The following SLFN11 variants were observed in gnomAD, a reference collection of about 807,000 sequenced individuals.
SLFN11 encodes schlafen family member 11.
A neutral mutation model predicts 53.4 loss-of-function variants in SLFN11; 43 were observed. That is an observed-to-expected ratio of 0.80 (90% CI 0.63 to 1.04). The LOEUF (loss-of-function observed/expected upper bound fraction) is 1.04, where lower values mean the gene tolerates loss of function less well. SLFN11 is among the 50% of genes least tolerant of loss of function. SLFN11 has a pLI of 0.00. For missense variants in SLFN11, 990 were observed against 1,079.1 expected (o/e 0.92, Z 1.16); for synonymous variants, 389 against 394.7 (o/e 0.99, Z 0.17).
intron 4 of SLFN11, among the ~76,000 whole-genome samples, chr17:35,361,757 T>G (rs55930786): frequency 0.012 from 1,871 of 152,102 alleles, 20 homozygotes; most frequent in South Asian, 0.021. Context: ...AAGGGCTTTT[T>G]TTTTTGAGAC....
In SLFN11 at chr17:35,362,819, T is replaced by C. The variant is rs1908402115; in HGVS notation, c.989A>G (p.Asn330Ser). The C allele has an allele frequency of 6.2e-7, 1 of 1,613,058 alleles. No individual in the cohort carries two copies. The highest frequency in any genetic ancestry group is 1.7e-4 in the Middle Eastern group (1 of 6,048). The change falls in exon 4 of 7, where the codon AAT becomes AGT. Residue 330 changes from asparagine (N) to serine (S), a missense_variant. This residue lies in a region of SLFN11 where 521 missense variants were observed against 516.2 expected (regional missense o/e 1.01). Coordinates refer to ENST00000685675, the MANE Select transcript of SLFN11 (RefSeq NM_001376007.1). ...FCCAVFSEAP[N>S]SWIVEDKYVC... The stretch of plus-strand genomic sequence containing the variant: ...GTACTTGTCCTCCACTATCCATGAA[T>C]TGGGAGCTTCTGAGAACACTGCACA...
chr17:35,357,205 C>T (rs1031608512), intron 5 of SLFN11, among the ~76,000 whole-genome samples: 1 of 150,114 alleles, frequency 6.7e-6, no homozygotes, highest in East Asian at 2.0e-4. Context: ...TCTGGAAGCT[C>T]TTTATATATT....
chr17:35,372,902 T>C (rs1282667650), intron 1 of SLFN11, among the ~76,000 whole-genome samples: 2 of 152,102 alleles, frequency 1.3e-5, no homozygotes, highest in East Asian at 3.8e-4. Context: ...ATTCTACAGA[T>C]CTTGTCCAGA....
At chr17:35,365,395 C>T (rs529673507) in intron 3 of SLFN11, among the ~76,000 whole-genome samples, 14 of 152,198 alleles carry the variant, frequency 9.2e-5, no homozygotes, top group African/African-American at 3.4e-4. Context: ...GTGATCCTCC[C>T]ACCTCAGCCT....
chr17:35,361,488 G>A (rs1281484067), intron 4 of SLFN11, among the ~76,000 whole-genome samples: 1 of 151,942 alleles, frequency 6.6e-6, no homozygotes, highest in African/African-American at 2.4e-5. Flanking sequence ...TTTTGAGACA[G>A]GGTCTCACTC....
Position 35,353,731 on chromosome 17 carries a change from A to G in SLFN11, c.1527T>C (p.Cys509=). The G allele has an allele frequency of 6.8e-7, 1 of 1,480,604 alleles. No homozygotes were observed. Among genetic ancestry groups the G allele is most frequent in the Non-Finnish European group, 9.1e-7 (1 of 1,102,808 alleles). The allele number at this position is 1,480,604 out of a possible 1,614,324, so 91.7% of individuals were successfully genotyped here. A position where few individuals can be genotyped will look rare whatever the true frequency, so the allele number is the denominator to read the frequency against. Residue 509 remains cysteine, a synonymous_variant, in exon 6 of 7, where the codon TGT becomes TGC. Coordinates refer to ENST00000685675, the MANE Select transcript of SLFN11 (RefSeq NM_001376007.1). ...TCAGGCAGAGGACCTTGGCCCTGAC[A>G]CACACCTTCCCGGTGTAGCCCCCCA... The part of the protein sequence containing the change: ...VNMGGYTGKV[C]VRAKVLCLSP...
chr17:35,355,196 G>T (rs909793057), intron 5 of SLFN11, among the ~76,000 whole-genome samples: 8 of 152,074 alleles, frequency 5.3e-5, no homozygotes, highest in African/African-American at 1.9e-4. Flanking sequence ...TTCCAAGGAT[G>T]ACATATTTAT....
At chr17:35,371,081 T>C (rs182357347) in intron 1 of SLFN11, among the ~76,000 whole-genome samples, 23 of 152,168 alleles carry the variant, frequency 1.5e-4, no homozygotes, top group African/African-American at 5.3e-4. Context: ...ACTACAGAGC[T>C]ACAGGAACCA....
At chr17:35,370,322 A>G (rs1909489313) in intron 1 of SLFN11, among the ~76,000 whole-genome samples, 1 of 152,150 alleles carries the variant, frequency 6.6e-6, no homozygotes, top group South Asian at 2.1e-4. Context: ...GTATAGAAGG[A>G]ACATACCACA....
chr17:35,351,655 G>A lies in SLFN11; in HGVS notation c.*701C>T, dbSNP rs1439305928. 2 of 152,144 alleles carry A rather than the reference G, an allele frequency of 1.3e-5. No individual in the cohort carries two copies. The highest frequency in any genetic ancestry group is 2.9e-5 in the Non-Finnish European group (2 of 68,038). 9.4% of individuals were successfully genotyped at this position (152,144 alleles called of 1,614,324 possible). Reference sequence around the variant, plus strand: ...TGAAAGCCAGGGCAAACAGGTTTATGTTCATTTCATCTTGGCCTATAATTT... The same window carrying A: ...TGAAAGCCAGGGCAAACAGGTTTATATTCATTTCATCTTGGCCTATAATTT... On this transcript the variant is annotated 3_prime_UTR_variant, in exon 7 of 7. Coordinates refer to ENST00000685675, the MANE Select transcript of SLFN11 (RefSeq NM_001376007.1).
intron 5 of SLFN11, among the ~76,000 whole-genome samples, chr17:35,355,304 G>T (rs1479666505): frequency 2.0e-5 from 3 of 152,084 alleles, no homozygotes; most frequent in Non-Finnish European, 2.9e-5. Flanking sequence ...GGAGGCTGAG[G>T]TGGGAGGATT....
In SLFN11 at chr17:35,360,250, TAA is replaced by T; in HGVS notation, c.1189_1190del (p.Leu397IlefsTer32). 6.2e-7 allele frequency: 1 copy of T among 1,609,984 alleles called. No homozygotes were observed. Among genetic ancestry groups the T allele is most frequent in the Non-Finnish European group, 8.5e-7 (1 of 1,178,840 alleles). On this transcript the variant is annotated frameshift_variant, in exon 5 of 7. Transcript: ENST00000685675. LOFTEE classifies it high-confidence loss of function. The part of the protein sequence containing the change: ...LEHKKELQQL[L>X]FSVPPGYLRY... ...AAGACAAACCATAATTACCTGAAAA[TAA>T]AAGTTGCTGGAGTTCCTTTTTATGT...
chr17:35,357,577 C>G (rs1177802707), intron 5 of SLFN11, among the ~76,000 whole-genome samples: 1 of 151,038 alleles, frequency 6.6e-6, no homozygotes, highest in Admixed American at 6.6e-5. Flanking sequence ...CTGTTTTTCT[C>G]TACTTACTTG....
chr17:35,366,675 G>C (rs1373986493), intron 3 of SLFN11, among the ~76,000 whole-genome samples: 2 of 152,064 alleles, frequency 1.3e-5, no homozygotes, highest in East Asian at 3.8e-4. Flanking sequence ...AAGTCTCAGT[G>C]GGTGCTAGTA....
rs555131837 is a variant in SLFN11 at position 35,359,131 on chromosome 17, A to AT, written c.1198+1111dup. ...GTTTGGTAGAAGTTTTAGAAAACTG[A>AT]TTTTTTTATACCAGAATAATAGGCT... On this transcript the variant is annotated intron_variant, in intron 5 of 6. Coordinates refer to ENST00000685675, the MANE Select transcript of SLFN11 (RefSeq NM_001376007.1). Among the ~76,000 whole-genome samples the AT allele has an allele frequency of 8.2e-4, 125 of 152,230 alleles. 2 individuals carry two copies. In the South Asian group the frequency reaches 0.025, roughly 30 times the overall value.
chr17:35,353,879 T>C lies in SLFN11; in HGVS notation c.1379A>G (p.Asp460Gly). 1.9e-6 allele frequency: 3 copies of C among 1,613,370 alleles called. No homozygotes were observed. The highest frequency in any genetic ancestry group is 2.5e-6 in the Non-Finnish European group (3 of 1,179,734). ...NLQEKPGVIC[D>G]ALLIAQNSTP... Reference sequence around the variant, plus strand: ...GCTGTTCTGTGCTATCAGCAGAGCATCACAGATGACTCCTGGCTTCTCCTG... The same window carrying C: ...GCTGTTCTGTGCTATCAGCAGAGCACCACAGATGACTCCTGGCTTCTCCTG... The change falls in exon 6 of 7, where the codon GAT becomes GGT. Residue 460 changes from aspartate to glycine, a missense_variant. Asp to Gly is a moderately conservative substitution (Grantham distance 94, BLOSUM62 -1). Transcript: ENST00000685675.
chr17:35,354,165 G>T, intron 5 of SLFN11, 106 bp from the exon 6 acceptor site: 1 of 909,410 alleles, frequency 1.1e-6, no homozygotes, highest in South Asian at 3.6e-5. Context: ...ACTTATAGAA[G>T]TTTCAAATAC....
intron 2 of SLFN11, chr17:35,367,366 C>T (rs1256420189): frequency 1.3e-5 from 2 of 152,030 alleles, no homozygotes; most frequent in African/African-American, 2.4e-5. Context: ...GCAAAAAAGG[C>T]TTAGGGAGCT....
At position 35,360,279 on chromosome 17, in the gene SLFN11, C is replaced by G; in HGVS notation, c.1162G>C (p.Glu388Gln). 1 of 1,610,676 alleles carries G rather than the reference C, an allele frequency of 6.2e-7. No individual in the cohort carries two copies. Among genetic ancestry groups the G allele is most frequent in the Non-Finnish European group, 8.5e-7 (1 of 1,179,028 alleles). Residue 388 changes from glutamate (E) to glutamine (Q), a missense_variant, in exon 5 of 7, where the codon GAA (glutamate) becomes CAA (glutamine). Physicochemically the swap from Glu to Gln is conservative, Grantham distance 29 (BLOSUM62 2). Coordinates refer to ENST00000685675, the MANE Select transcript of SLFN11 (RefSeq NM_001376007.1). ...SRPVYSKKGL[E>Q]HKKELQQLLF... Reference sequence around the variant, plus strand: ...AGTTGCTGGAGTTCCTTTTTATGTTCCAGGCCTTTCTTGGAGTACACTGGT... The same window carrying G: ...AGTTGCTGGAGTTCCTTTTTATGTTGCAGGCCTTTCTTGGAGTACACTGGT...
Sources: gnomAD v4.1 joint callset for allele counts (sites outside exome capture counted in the v4.1 genomes callset) on GRCh38, gnomAD v4.1.1 for gene constraint, gnomAD v4.1.1 regional missense constraint, MANE v1.5 for transcripts, NCBI Gene and HGNC (gene_info 2026-07-23, HGNC 2026-07-21) for gene names.